KCTD17: variants seen among roughly 807,000 people sequenced by gnomAD.
The protein encoded by KCTD17 is BTB/POZ domain-containing protein KCTD17.
Under a neutral mutation model 41.5 loss-of-function variants are expected in KCTD17, and 20 were observed. The observed-to-expected ratio is 0.48, with a 90% CI of 0.34 to 0.70. The LOEUF (loss-of-function observed/expected upper bound fraction) is 0.70. Ranked by LOEUF, KCTD17 falls within the 30% of genes least tolerant of loss-of-function variation. The pLI is 0.01. For synonymous variants in KCTD17, 156 were observed against 173.8 expected, an observed-to-expected ratio of 0.90 and a Z score of 0.80; for missense variants, 317 against 427.2, an observed-to-expected ratio of 0.74 and a Z score of 2.27.
intron 2 of KCTD17, 117 bp from the exon 3 acceptor site, chr22:37,056,203 G>T: frequency 1.3e-6 from 1 of 742,206 alleles, no homozygotes; most frequent in South Asian, 1.9e-5. Flanking sequence ...CAGACACTCA[G>T]CTCACCCTCA....
In KCTD17 at chr22:37,062,591, CT is replaced by C; in HGVS notation, c.943del (p.Ter315GlufsTer49). ...ACCTCCAGGGACTTGGGGTTCCCAT[CT>C]GAAATCCTTTATTTTTGTACCATGG... ...DHLQGLGVPI[*>X] On this transcript the variant is annotated frameshift_variant and stop_lost, in exon 9 of 9. Coordinates refer to ENST00000403888, the MANE Select transcript of KCTD17 (RefSeq NM_001282684.2). LOFTEE classifies it high-confidence loss of function. 6.2e-7 allele frequency: 1 copy of C among 1,612,914 alleles called. No individual in the cohort carries two copies. Among genetic ancestry groups the C allele is most frequent in the Admixed American group, 1.7e-5 (1 of 59,958 alleles).
In KCTD17 at chr22:37,057,401, C is replaced by G; in HGVS notation, c.394C>G (p.Pro132Ala). 6.2e-7 allele frequency: 1 copy of G among 1,613,590 alleles called. No homozygotes were observed. The highest frequency in any genetic ancestry group is 8.5e-7 in the Non-Finnish European group (1 of 1,179,678). ...TATGTGACCCTTCTGCCCACAGGTC[C>G]CACCCAAGCACGTGTACCGCGTGCT... ...EEKDYTVTQVPPKHVYRVLQC... is the reference protein window; with the variant it reads ...EEKDYTVTQVAPKHVYRVLQC... Residue 132 changes from proline (P) to alanine (A), a missense_variant, in exon 4 of 9, where the codon CCA becomes GCA. Physicochemically the swap from Pro to Ala is conservative, Grantham distance 27. Coordinates refer to ENST00000403888, the MANE Select transcript of KCTD17 (RefSeq NM_001282684.2).
In KCTD17 at chr22:37,053,012, T is replaced by C; in HGVS notation, c.190-88T>C. On this transcript the variant is annotated intron_variant, in intron 1 of 8. Transcript: ENST00000403888. This position sits in a 1 kb window ranked among gnomAD's most constrained non-coding sequence, Gnocchi z 4.1. ...GCTCCATCCAGGGAAGAGCTCTCCC[T>C]CCACTCTCCTTCCCTCCCTGTGCGT... The C allele has an allele frequency of 1.9e-6, 2 of 1,070,446 alleles. No homozygotes were observed. Among genetic ancestry groups the C allele is most frequent in the Non-Finnish European group, 2.8e-6 (2 of 719,258 alleles). 66.3% of individuals were successfully genotyped at this position (1,070,446 alleles called of 1,614,324 possible).
At position 37,061,443 on chromosome 22, in the gene KCTD17, C is replaced by T; in HGVS notation, c.785-96C>T. The T allele has an allele frequency of 2.0e-6, 3 of 1,505,592 alleles. No homozygotes were observed. The highest frequency in any genetic ancestry group is 2.7e-6 in the Non-Finnish European group (3 of 1,127,880). The allele number at this position is 1,505,592 out of a possible 1,614,324, so 93.3% of individuals were successfully genotyped here. ...CGCAGCTGCACCTCCTCTGTGCCCA[C>T]TAACCCTGCCGGGCACCTCTGAGAC... On this transcript the variant is annotated intron_variant, in intron 7 of 8. Transcript: ENST00000403888. The surrounding 1 kb of genome is among the most constrained non-coding windows in gnomAD (Gnocchi z 6.6).
At position 37,062,636 on chromosome 22, in the gene KCTD17, G is replaced by C; in HGVS notation, c.*42G>C. 6.3e-7 allele frequency: 1 copy of C among 1,591,356 alleles called. No individual in the cohort carries two copies. Among genetic ancestry groups the C allele is most frequent in the Non-Finnish European group, 8.6e-7 (1 of 1,168,256 alleles). On this transcript the variant is annotated 3_prime_UTR_variant, in exon 9 of 9. Coordinates refer to ENST00000403888, the MANE Select transcript of KCTD17 (RefSeq NM_001282684.2). Reference sequence around the variant, plus strand: ...ACCATGGGGTGGGCCCCGGGCCTGAGAAGGAAGAAGCACCCTCTCCCCGGC... The same window carrying C: ...ACCATGGGGTGGGCCCCGGGCCTGACAAGGAAGAAGCACCCTCTCCCCGGC...
chr22:37,052,820 C>T lies in KCTD17; in HGVS notation c.190-280C>T, dbSNP rs855794. On this transcript the variant is annotated intron_variant, in intron 1 of 8. Transcript: ENST00000403888. ...GCCCTGTGCTGGGCCAGTTGCCACT[C>T]AGACATCCTCTCACCGGATGCTCAC... Among the ~76,000 whole-genome samples, 72 of 152,324 alleles carry T rather than the reference C, an allele frequency of 4.7e-4. 1 individual carries two copies. Among genetic ancestry groups the T allele is most frequent in the African/African-American group, 1.7e-3 (69 of 41,572 alleles).
At chr22:37,052,030 G>A (rs1036310997) in intron 1 of KCTD17, 81 bp downstream of exon 1, 5 of 1,270,148 alleles carry the variant, frequency 3.9e-6, no homozygotes, top group East Asian at 3.2e-5. Flanking sequence ...TGGCTCGCCC[G>A]CCAGGCTGGG....
At position 37,059,466 on chromosome 22, in the gene KCTD17, C is replaced by T. The variant is rs111412516; in HGVS notation, c.612+28C>T. The T allele has an allele frequency of 1.4e-3, 2,293 of 1,591,650 alleles. 26 individuals are homozygous for T. In the African/African-American group the frequency reaches 0.024, roughly 16 times the overall value. On this transcript the variant is annotated intron_variant, in intron 5 of 8. Transcript: ENST00000403888. ...GAGCCCACCCGCCTCAGCCTGTGTCCGGAGAAGTCTCCTGTCTCCCTCCAC... is the reference window on the plus strand; with the variant it reads ...GAGCCCACCCGCCTCAGCCTGTGTCTGGAGAAGTCTCCTGTCTCCCTCCAC...
At chr22:37,055,521 A>G (rs971873657) in intron 2 of KCTD17, among the ~76,000 whole-genome samples, 12 of 152,214 alleles carry the variant, frequency 7.9e-5, no homozygotes, top group African/African-American at 2.7e-4. Context: ...AGTCAAGGAA[A>G]GGGCCCAAAG....
In KCTD17 at chr22:37,051,850, G is replaced by T. The variant is rs1186300597; in HGVS notation, c.90G>T (p.Val30=). ...GGWGKWVRLN[V]GGTVFLTTRQ... is the part of the protein sequence containing the mutation. ...GGGGCAAGTGGGTGCGGCTCAACGT[G>T]GGGGGCACGGTGTTCCTGACCACCC... is the stretch of plus-strand genomic sequence containing the variant. The change falls in exon 1 of 9, where the codon GTG becomes GTT. Residue 30 remains valine (V), a synonymous_variant. Transcript: ENST00000403888. The T allele has an allele frequency of 1.4e-5, 21 of 1,461,462 alleles. No individual in the cohort carries two copies. The highest frequency in any genetic ancestry group is 1.8e-5 in the Non-Finnish European group (20 of 1,105,446). The allele number at this position is 1,461,462 out of a possible 1,614,324, so 90.5% of individuals were successfully genotyped here.
chr22:37,060,710 T>C, intron 5 of KCTD17, 113 bp from the exon 6 acceptor site: 1 of 1,398,496 alleles, frequency 7.2e-7, no homozygotes, highest in Non-Finnish European at 9.3e-7. Context: ...TCCCCTCTCC[T>C]GAGGTCCCTT....
At chr22:37,052,653 A>T in intron 1 of KCTD17, 1 of 470,512 alleles carries the variant, frequency 2.1e-6, no homozygotes, top group Non-Finnish European at 4.4e-6. Flanking sequence ...ATGGAAGCCC[A>T]CCCTGCCTCC....
Position 37,061,151 on chromosome 22 carries a change from C to A in KCTD17, c.760C>A (p.Pro254Thr), listed in dbSNP as rs1212178942. Residue 254 changes from proline (P) to threonine (T), a missense_variant, in exon 7 of 9, where the codon CCT becomes ACT. Pro to Thr is a conservative substitution (Grantham distance 38). Transcript: ENST00000403888. This position sits in a 1 kb window ranked among gnomAD's most constrained non-coding sequence, Gnocchi z 6.6. ...PANLFSLPPL[P>T]PPPLPAGGSR... ...TAACCTTTTCTCCCTCCCACCACTG[C>A]CTCCTCCTCCGCTTCCCGCTGGAGG... The A allele has an allele frequency of 6.4e-6, 10 of 1,551,224 alleles. No homozygotes were observed. The South Asian group carries it at 1.2e-4, about 18-fold the overall frequency.
chr22:37,057,471 C>T lies in KCTD17; in HGVS notation c.464C>T (p.Ser155Phe). 1 of 1,612,630 alleles carries T rather than the reference C, an allele frequency of 6.2e-7. No homozygotes were observed. The highest frequency in any genetic ancestry group is 8.5e-7 in the Non-Finnish European group (1 of 1,179,838). Residue 155 changes from serine to phenylalanine, a missense_variant, in exon 4 of 9, where the codon TCT becomes TTT. By Grantham distance (155) the Ser-to-Phe change is radical. Transcript: ENST00000403888. ...EELTQMVSTM[S>F]DGWRFEQLVN... ...CTCACGCAAATGGTCTCCACCATGT[C>T]TGATGGCTGGCGCTTCGAGCAGGTG...
chr22:37,051,804 G>C lies in KCTD17; in HGVS notation c.44G>C (p.Gly15Ala). The C allele has an allele frequency of 7.9e-7, 1 of 1,268,488 alleles. No homozygotes were observed. Among genetic ancestry groups the C allele is most frequent in the Non-Finnish European group, 9.9e-7 (1 of 1,008,266 alleles). 78.6% of individuals were successfully genotyped at this position (1,268,488 alleles called of 1,614,324 possible). ...GAGGCAGCGCCGCCGGCGGGGGCGG[G>C]CGGCCGCGCCGCAGGCGGCTGGGGC... ...AGEAAPPAGA[G>A]GRAAGGWGKW... The change falls in exon 1 of 9, where the codon GGC becomes GCC. Residue 15 changes from glycine (G) to alanine (A), a missense_variant. Coordinates refer to ENST00000403888, the MANE Select transcript of KCTD17 (RefSeq NM_001282684.2).
In KCTD17 at chr22:37,057,513, G is replaced by A. The variant is rs372989339; in HGVS notation, c.486+20G>A. On this transcript the variant is annotated intron_variant, in intron 4 of 8. Coordinates refer to ENST00000403888, the MANE Select transcript of KCTD17 (RefSeq NM_001282684.2). ...GAGCAGGTGCGCTGGGGACAGGGGC[G>A]TGCCACCAGGACAACCCTGGGACCT... 1.4e-5 allele frequency: 23 copies of A among 1,596,266 alleles called. No homozygotes were observed. Among genetic ancestry groups the A allele is most frequent in the Middle Eastern group, 2.0e-4 (1 of 5,002 alleles).
At chr22:37,059,684 A>G (rs1925552183) in intron 5 of KCTD17, among the ~76,000 whole-genome samples, 1 of 152,126 alleles carries the variant, frequency 6.6e-6, no homozygotes, top group African/African-American at 2.4e-5. Context: ...GGCTACATGA[A>G]GGGGGCCGCT....
chr22:37,052,809 C>T (rs1924652632), intron 1 of KCTD17, among the ~76,000 whole-genome samples: 1 of 152,198 alleles, frequency 6.6e-6, no homozygotes, highest in Admixed American at 6.5e-5. Flanking sequence ...TGTGCTGGGC[C>T]AGTTGCCACT....
chr22:37,062,927 C>A lies in KCTD17; in HGVS notation c.*333C>A. 2.8e-6 allele frequency: 1 copy of A among 360,400 alleles called. No homozygotes were observed. Among genetic ancestry groups the A allele is most frequent in the Non-Finnish European group, 5.1e-6 (1 of 195,528 alleles). 22.3% of individuals were successfully genotyped at this position (360,400 alleles called of 1,614,324 possible). On this transcript the variant is annotated 3_prime_UTR_variant, in exon 9 of 9. Transcript: ENST00000403888. ...GCCTTAGTCCAGGGGGTCACTCCTC[C>A]CACCCCACCTACCTCACAGGGTTGT...
Sources: allele counts gnomAD v4.1 joint callset (sites outside exome capture counted in the v4.1 genomes callset), GRCh38; gene constraint gnomAD v4.1.1; non-coding constraint Gnocchi (gnomAD v3.1); transcripts MANE v1.5; gene names NCBI Gene and HGNC (gene_info 2026-07-23, HGNC 2026-07-21).